HNF1A: variants seen among roughly 807,000 people sequenced by gnomAD.
HNF1A encodes the protein HNF1 homeobox A.
A neutral mutation model predicts 62.2 loss-of-function variants in HNF1A; 21 were observed. That is an observed-to-expected ratio of 0.34 (90% CI 0.24 to 0.49). HNF1A has a LOEUF of 0.49. HNF1A is among the 20% of genes least tolerant of loss of function. HNF1A has a pLI of 0.99. For missense variants in HNF1A, 687 were observed against 832.3 expected (o/e 0.83, Z 2.15); for synonymous variants, 374 against 366.8 (o/e 1.02, Z -0.22).
chr12:121,000,752 G>A, intron 9 of HNF1A: 1 of 426,696 alleles, frequency 2.3e-6, no homozygotes, highest in South Asian at 2.1e-5. Context: ...TGCATTCACA[G>A]CAGCGCCTAG....
chr12:120,998,099 G>C (rs1877210703), intron 7 of HNF1A: 2 of 366,658 alleles, frequency 5.5e-6, no homozygotes. Flanking sequence ...GGCCAACACG[G>C]TGAAACCCCG....
At chr12:120,997,832 G>A (rs763713350) in intron 7 of HNF1A, 167 bp downstream of exon 7, 9 of 768,700 alleles carry the variant, frequency 1.2e-5, no homozygotes, top group African/African-American at 3.4e-5. Flanking sequence ...CCATGTGAAT[G>A]CACGTATCTG....
intron 9 of HNF1A, among the ~76,000 whole-genome samples, chr12:121,000,157 G>A (rs1168725747): frequency 6.6e-6 from 1 of 152,180 alleles, no homozygotes; most frequent in Non-Finnish European, 1.5e-5. Flanking sequence ...ACCTGAGTTT[G>A]TAATCTATGA....
intron 3 of HNF1A, 46 bp downstream of exon 3, chr12:120,993,752 G>A (rs1338344264): frequency 1.9e-6 from 3 of 1,592,282 alleles, no homozygotes; most frequent in Admixed American, 1.7e-5. Flanking sequence ...CTGGGCTGCG[G>A]CAAGGCCAGG....
At position 121,001,148 on chromosome 12, in the gene HNF1A, A is replaced by T; in HGVS notation, c.1852A>T (p.Ile618Phe). The T allele has an allele frequency of 6.2e-7, 1 of 1,614,076 alleles. No individual in the cohort carries two copies. The highest frequency in any genetic ancestry group is 8.5e-7 in the Non-Finnish European group (1 of 1,179,996). ...CCTGCTGCCATCCAACCACAGCGTC[A>T]TCGAGACCTTCATCTCCACCCAGAT... ...SHLLPSNHSV[I>F]ETFISTQMAS... The change falls in exon 10 of 10, where the codon ATC becomes TTC. Residue 618 changes from isoleucine to phenylalanine, a missense_variant. Around this residue, in one of 5 missense-constraint regions of HNF1A, gnomAD observed 408 missense variants for 455.3 expected, o/e 0.90. Coordinates refer to ENST00000257555, the MANE Select transcript of HNF1A (RefSeq NM_000545.8).
At chr12:120,997,781 T>C (rs553425346) in intron 7 of HNF1A, 116 bp downstream of exon 7, 36 of 1,127,698 alleles carry the variant, frequency 3.2e-5, no homozygotes, top group Non-Finnish European at 4.6e-5. Flanking sequence ...CTGGGACAAG[T>C]GTGTTTCCGT....
Position 120,994,351 on chromosome 12 carries a change from G to T in HNF1A, c.901G>T (p.Ala301Ser), listed in dbSNP as rs555681479. The T allele has an allele frequency of 6.2e-7, 1 of 1,600,186 alleles. No homozygotes were observed. The part of the protein sequence containing the change: ...PGPGPGPALP[A>S]HSSPGLPPPA... ...GCCAGGCCCGGGACCTGCGCTGCCC[G>T]CTCACAGCTCCCCTGGCCTGCCTCC... The change falls in exon 4 of 10, where the codon GCT becomes TCT. Residue 301 changes from alanine (A) to serine (S), a missense_variant. By Grantham distance (99) the Ala-to-Ser change is moderately conservative. Transcript: ENST00000257555.
chr12:120,984,631 C>T (rs1220277259), intron 1 of HNF1A, among the ~76,000 whole-genome samples: 2 of 151,840 alleles, frequency 1.3e-5, no homozygotes, highest in Non-Finnish European at 1.5e-5. Flanking sequence ...TTTGTACTGC[C>T]CTTCCTTCTG....
rs575604109 is a variant in HNF1A, at chr12:120,987,880, G to T, written c.327-953G>T. 8.1e-4 allele frequency among the ~76,000 whole-genome samples: 123 copies of T among 152,096 alleles called. 1 individual carries two copies. The highest frequency in any genetic ancestry group is 2.7e-3 in the African/African-American group (113 of 41,490). On this transcript the variant is annotated intron_variant, in intron 1 of 9. Coordinates refer to ENST00000257555, the MANE Select transcript of HNF1A (RefSeq NM_000545.8). ...CTTTTCTTTTCTTTTTTTTGAGACA[G>T]GGTCTTGTTCTGTCACCCAGGCTGG...
chr12:120,983,061 C>T (rs988026013), intron 1 of HNF1A, among the ~76,000 whole-genome samples: 2 of 152,220 alleles, frequency 1.3e-5, no homozygotes, highest in African/African-American at 2.4e-5. Context: ...GAAGTCAGCT[C>T]CCCTCCAGAT....
intron 2 of HNF1A, among the ~76,000 whole-genome samples, chr12:120,992,865 CCTGCTG>C (rs148573184): frequency 6.6e-6 from 1 of 151,940 alleles, no homozygotes; most frequent in Non-Finnish European, 1.5e-5. Context: ...TGGTGAGGGC[CCTGCTG>C]CTGCTGCTGC....
intron 1 of HNF1A, among the ~76,000 whole-genome samples, chr12:120,982,854 TTTAAG>T (rs1876322883): frequency 6.6e-6 from 1 of 152,160 alleles, no homozygotes; most frequent in South Asian, 2.1e-4. Context: ...ATTCCTGCTG[TTTAAG>T]TTGACCATCA....
At chr12:120,984,143 G>A (rs1210596099) in intron 1 of HNF1A, among the ~76,000 whole-genome samples, 3 of 152,048 alleles carry the variant, frequency 2.0e-5, no homozygotes, top group Non-Finnish European at 4.4e-5. Context: ...TTTTGTTGTG[G>A]ATTTTTTGCC....
intron 1 of HNF1A, among the ~76,000 whole-genome samples, chr12:120,979,971 G>A (rs1317241145): frequency 1.3e-5 from 2 of 152,082 alleles, no homozygotes; most frequent in East Asian, 3.9e-4. Context: ...TGGGGGTGTG[G>A]GGGAGAAGGA....
rs1876961308 is a variant in HNF1A at position 120,994,095 on chromosome 12, T to C, written c.714-69T>C. On this transcript the variant is annotated intron_variant, in intron 3 of 9. Coordinates refer to ENST00000257555, the MANE Select transcript of HNF1A (RefSeq NM_000545.8). ...GGCAGAGCTCAGCTTCTCAGAACCC[T>C]CCCCTTCATGCCCAGGACAGGGTTC... The C allele has an allele frequency of 9.5e-6, 15 of 1,575,592 alleles. 1 individual carries two copies. In the South Asian group the frequency reaches 1.6e-4, roughly 17 times the overall value.
chr12:120,996,196 G>C lies in HNF1A; in HGVS notation c.956-66G>C. On this transcript the variant is annotated intron_variant, in intron 4 of 9. Coordinates refer to ENST00000257555, the MANE Select transcript of HNF1A (RefSeq NM_000545.8). The surrounding 1 kb of genome is among the most constrained non-coding windows in gnomAD (Gnocchi z 4.5). ...AAACCAATGGAGTTTGAAGTGCTGA[G>C]GGCTGTGGAGGCAGGGGAGGGCAGG... 1 of 1,587,524 alleles carries C rather than the reference G, an allele frequency of 6.3e-7. No individual in the cohort carries two copies. The highest frequency in any genetic ancestry group is 8.6e-7 in the Non-Finnish European group (1 of 1,158,994).
intron 1 of HNF1A, among the ~76,000 whole-genome samples, chr12:120,986,472 C>A (rs1453292018): frequency 6.6e-6 from 1 of 152,196 alleles, no homozygotes; most frequent in African/African-American, 2.4e-5. Context: ...AATTGCTCAG[C>A]GAGGCAGGGG....
chr12:120,980,357 G>C (rs1209710186), intron 1 of HNF1A, among the ~76,000 whole-genome samples: 1 of 152,088 alleles, frequency 6.6e-6, no homozygotes, highest in Admixed American at 6.6e-5. Flanking sequence ...CCAAGGTCCT[G>C]ATCCCAGCTG....
chr12:121,001,319 T>A lies in HNF1A; in HGVS notation c.*127T>A. ...CCCTTCCTGGACAGCTGTGCCTCGC[T>A]CCCCACTCTGCTCTGATGCATCAGA... On this transcript the variant is annotated 3_prime_UTR_variant, in exon 10 of 10. Coordinates refer to ENST00000257555, the MANE Select transcript of HNF1A (RefSeq NM_000545.8). 8.6e-7 allele frequency: 1 copy of A among 1,167,872 alleles called. No individual in the cohort carries two copies. Among genetic ancestry groups the A allele is most frequent in the Middle Eastern group, 2.0e-4 (1 of 5,086 alleles). The allele number at this position is 1,167,872 out of a possible 1,614,324, so 72.3% of individuals were successfully genotyped here.
Sources: gnomAD v4.1 joint callset for allele counts (sites outside exome capture counted in the v4.1 genomes callset) on GRCh38, gnomAD v4.1.1 for gene constraint, gnomAD v4.1.1 regional missense constraint, Gnocchi (gnomAD v3.1) non-coding constraint, MANE v1.5 for transcripts, NCBI Gene and HGNC (gene_info 2026-07-23, HGNC 2026-07-21) for gene names.